Variants in ACTN1 observed in about 807,000 individuals in gnomAD.
ACTN1 encodes the protein alpha-actinin-1.
A neutral mutation model predicts 119.6 loss-of-function variants in ACTN1; 30 were observed. That is an observed-to-expected ratio of 0.25 (90% CI 0.19 to 0.34). The LOEUF is 0.34. ACTN1 is among the 10% of genes least tolerant of loss of function. ACTN1 has a pLI of 1.00. For missense variants in ACTN1, 764 were observed against 1,223.4 expected, an observed-to-expected ratio of 0.62 and a Z score of 5.60; for synonymous variants, 429 against 472.6, an observed-to-expected ratio of 0.91 and a Z score of 1.20.
At chr14:68,944,746 C>T (rs951527387) in intron 1 of ACTN1, among the ~76,000 whole-genome samples, 2 of 152,002 alleles carry the variant, frequency 1.3e-5, no homozygotes, top group Non-Finnish European at 2.9e-5. Flanking sequence ...ATGAAAAGTT[C>T]GTAAATGTGA....
intron 13 of ACTN1, 117 bp downstream of exon 13, chr14:68,884,658 G>A: frequency 1.1e-6 from 1 of 883,516 alleles, no homozygotes; most frequent in Non-Finnish European, 1.8e-6. Context: ...CCAGGGTTGG[G>A]GGAGGTCTGG....
At position 68,972,270 on chromosome 14, in the gene ACTN1, C is replaced by T. The variant is rs183215503; in HGVS notation, c.105+6682G>A. 1.7e-3 allele frequency among the ~76,000 whole-genome samples: 264 copies of T among 152,184 alleles called. 4 individuals carry two copies. Among genetic ancestry groups the T allele is most frequent in the Non-Finnish European group, 1.4e-3 (95 of 68,006 alleles). On this transcript the variant is annotated intron_variant, in intron 1 of 21. Coordinates refer to ENST00000394419, the MANE Select transcript of ACTN1 (RefSeq NM_001130004.2). ...TCATCCCGCTTTCTACAAAAGCTCC[C>T]GCCCTTATCTTCCTCTTCTAAACTC...
At chr14:68,881,313 G>A (rs2031486527) in intron 16 of ACTN1, among the ~76,000 whole-genome samples, 1 of 152,064 alleles carries the variant, frequency 6.6e-6, no homozygotes, top group South Asian at 2.1e-4. Context: ...CCATTCAAAT[G>A]CCCTTTCCCA....
At position 68,878,938 on chromosome 14, in the gene ACTN1, T is replaced by C. The variant is rs2031216643; in HGVS notation, c.2361+51A>G. On this transcript the variant is annotated intron_variant, in intron 19 of 21. Coordinates refer to ENST00000394419, the MANE Select transcript of ACTN1 (RefSeq NM_001130004.2). This position sits in a 1 kb window ranked among gnomAD's most constrained non-coding sequence, Gnocchi z 4.4. ...AAGAGAAAAAGGAAAAACGCATTAT[T>C]TCTTGCCCCAGACGCCACCCCTGAG... 6.2e-7 allele frequency: 1 copy of C among 1,611,534 alleles called. No homozygotes were observed. The highest frequency in any genetic ancestry group is 8.5e-7 in the Non-Finnish European group (1 of 1,179,416).
chr14:68,893,387 A>G (rs997041088), intron 9 of ACTN1, among the ~76,000 whole-genome samples: 4 of 152,178 alleles, frequency 2.6e-5, no homozygotes, highest in Admixed American at 2.6e-4. Flanking sequence ...CCCCTGGCTC[A>G]ACTCTCACTT....
chr14:68,890,345 T>A, intron 10 of ACTN1, 59 bp from the exon 11 acceptor site: 1 of 1,593,366 alleles, frequency 6.3e-7, no homozygotes. Context: ...TCAGGTCCCC[T>A]AGCCCCCTAG....
At chr14:68,938,202 C>T (rs2035615046) in intron 1 of ACTN1, among the ~76,000 whole-genome samples, 7 of 152,216 alleles carry the variant, frequency 4.6e-5, no homozygotes, top group Admixed American at 4.6e-4. Context: ...GGAACATCTC[C>T]ACCCAGATCT....
intron 11 of ACTN1, chr14:68,887,502 A>G (rs1411462334): frequency 9.6e-5 from 115 of 1,196,344 alleles, no homozygotes; most frequent in Non-Finnish European, 1.2e-4. Flanking sequence ...CCCCCCATCT[A>G]TGGAATGTTA....
At chr14:68,902,957 A>G (rs2033436088) in intron 7 of ACTN1, among the ~76,000 whole-genome samples, 1 of 152,210 alleles carries the variant, frequency 6.6e-6, no homozygotes. Flanking sequence ...AAGAAATGTC[A>G]TAGGTAATTA....
At chr14:68,951,079 C>T (rs1183379673) in intron 1 of ACTN1, among the ~76,000 whole-genome samples, 2 of 152,196 alleles carry the variant, frequency 1.3e-5, no homozygotes. Flanking sequence ...GGCAGGGCAG[C>T]TGGATAGCAC....
chr14:68,967,991 GC>G (rs917399839), intron 1 of ACTN1, among the ~76,000 whole-genome samples: 14 of 152,176 alleles, frequency 9.2e-5, no homozygotes, highest in African/African-American at 2.9e-4. Context: ...TGACACATTT[GC>G]TTTATCAAGA....
chr14:68,969,641 A>C (rs2036816947), intron 1 of ACTN1, among the ~76,000 whole-genome samples: 1 of 152,160 alleles, frequency 6.6e-6, no homozygotes, highest in African/African-American at 2.4e-5. Flanking sequence ...CTGCTCACAG[A>C]CCCGACAGAC....
chr14:68,916,276 C>T (rs2034289984), intron 3 of ACTN1, among the ~76,000 whole-genome samples: 1 of 152,212 alleles, frequency 6.6e-6, no homozygotes, highest in Non-Finnish European at 1.5e-5. Flanking sequence ...GACGGCCAAA[C>T]TCCAGGGCCT....
At chr14:68,875,164 G>A (rs1302489844) in intron 21 of ACTN1, 147 bp from the exon 22 acceptor site, 9 of 1,525,910 alleles carry the variant, frequency 5.9e-6, no homozygotes, top group East Asian at 2.5e-5. Context: ...ATGTACGGAC[G>A]TAAATATCCA....
chr14:68,928,919 C>T (rs1403070823), intron 1 of ACTN1, among the ~76,000 whole-genome samples: 2 of 152,054 alleles, frequency 1.3e-5, no homozygotes, highest in East Asian at 3.8e-4. Context: ...CTGGTGTGTT[C>T]GTGGGAGAGG....
intron 8 of ACTN1, among the ~76,000 whole-genome samples, chr14:68,899,450 T>C (rs1566614726): frequency 2.6e-5 from 3 of 113,388 alleles, no homozygotes; most frequent in Non-Finnish European, 5.5e-5. Flanking sequence ...ACACACACCT[T>C]ACACACCACA....
chr14:68,942,617 C>G (rs190096863), intron 1 of ACTN1, among the ~76,000 whole-genome samples: 2,465 of 137,940 alleles, frequency 0.018, 58 homozygotes, highest in South Asian at 0.026. Context: ...ACCTAATAGA[C>G]AGGCAAACAA....
Position 68,910,021 on chromosome 14 carries a change from A to G in ACTN1, c.449T>C (p.Leu150Pro). ...TGTCTTTCTCTGACACCACAGGAGCAGCCCTTCCTTGGCTGAAGTCTCTAT... is the reference window on the plus strand; with the variant it reads ...TGTCTTTCTCTGACACCACAGGAGCGGCCCTTCCTTGGCTGAAGTCTCTAT... ...SVEETSAKEGLLLWCQRKTAP... is the reference protein window; with the variant it reads ...SVEETSAKEGPLLWCQRKTAP... The change falls in exon 5 of 22, where the codon CTG (leucine) becomes CCG (proline). Residue 150 changes from leucine (L) to proline (P), a missense_variant. Leu to Pro is a moderately conservative substitution (Grantham distance 98). This residue lies in a region of ACTN1 where 54 missense variants were observed against 153.2 expected (regional missense o/e 0.35). Transcript: ENST00000394419. The G allele has an allele frequency of 6.2e-7, 1 of 1,613,952 alleles. No individual in the cohort carries two copies. Among genetic ancestry groups the G allele is most frequent in the Non-Finnish European group, 8.5e-7 (1 of 1,179,948 alleles).
At chr14:68,892,432 G>T in intron 9 of ACTN1, 149 bp from the exon 10 acceptor site, 1 of 825,668 alleles carries the variant, frequency 1.2e-6, no homozygotes, top group Non-Finnish European at 1.8e-6. Context: ...ACATTCCCAG[G>T]CCATGAAGTC....
Sources: allele counts gnomAD v4.1 joint callset (sites outside exome capture counted in the v4.1 genomes callset), GRCh38; gene constraint gnomAD v4.1.1; regional missense constraint gnomAD v4.1.1; non-coding constraint Gnocchi (gnomAD v3.1); transcripts MANE v1.5; gene names NCBI Gene and HGNC (gene_info 2026-07-23, HGNC 2026-07-21).